The following EXOC4 variants were observed in gnomAD, a reference collection of about 807,000 sequenced individuals.
EXOC4 encodes exocyst complex component 4.
A neutral mutation model predicts 107.2 loss-of-function variants in EXOC4; 71 were observed. That is an observed-to-expected ratio of 0.66 (90% CI 0.55 to 0.81). EXOC4 has a LOEUF of 0.81. EXOC4 is among the 30% of genes least tolerant of loss of function. The probability of loss-of-function intolerance (pLI) is 0.00; values close to 1 mark genes in which losing one functional copy is unlikely to be tolerated. For missense variants in EXOC4, 1,108 were observed against 1,189.6 expected, an observed-to-expected ratio of 0.93 and a Z score of 1.01; for synonymous variants, 456 against 441.2, an observed-to-expected ratio of 1.03 and a Z score of -0.42.
chr7:133,499,097 T>C (rs1032579755), intron 9 of EXOC4, among the ~76,000 whole-genome samples: 1 of 119,694 alleles, frequency 8.4e-6, no homozygotes, highest in Non-Finnish European at 1.7e-5. Context: ...ATTATTTTCT[T>C]GGGGGAGCTT....
intron 10 of EXOC4, among the ~76,000 whole-genome samples, chr7:133,746,315 A>C (rs2151133558): frequency 6.6e-6 from 1 of 152,318 alleles, no homozygotes; most frequent in Non-Finnish European, 1.5e-5. Context: ...AGTGACATAA[A>C]GAACTTTCGT....
intron 10 of EXOC4, among the ~76,000 whole-genome samples, chr7:133,759,117 AAAAC>A (rs922662237): frequency 8.6e-5 from 13 of 151,880 alleles, no homozygotes; most frequent in African/African-American, 2.4e-4. Context: ...CAGCTAATTT[AAAAC>A]AAACAAACAA....
intron 9 of EXOC4, among the ~76,000 whole-genome samples, chr7:133,486,620 A>G (rs1410795338): frequency 6.6e-6 from 1 of 152,204 alleles, no homozygotes; most frequent in East Asian, 1.9e-4. Context: ...TGCAGGGAAC[A>G]TGAAAAAAAG....
At chr7:134,093,069 C>G in the EXOC4 span, among the ~76,000 whole-genome samples, 1 of 151,994 alleles carries the variant, frequency 6.6e-6, no homozygotes. Context: ...ACCATTGAAT[C>G]AAAACCTCGC....
At chr7:133,944,892 A>G (rs1800513663) in intron 14 of EXOC4, among the ~76,000 whole-genome samples, 2 of 152,288 alleles carry the variant, frequency 1.3e-5, no homozygotes, top group Non-Finnish European at 2.9e-5. Flanking sequence ...ATTAATTTCA[A>G]ACAAAACCAT....
At chr7:133,285,972 T>C (rs971362287) in intron 2 of EXOC4, among the ~76,000 whole-genome samples, 3 of 152,146 alleles carry the variant, frequency 2.0e-5, no homozygotes, top group Non-Finnish European at 4.4e-5. Context: ...GTTGCCAAGG[T>C]TGGTCTTGAA....
intron 9 of EXOC4, among the ~76,000 whole-genome samples, chr7:133,586,480 G>T (rs145635216): frequency 6.6e-6 from 1 of 152,234 alleles, no homozygotes; most frequent in Admixed American, 6.5e-5. Context: ...TTCCATGGTC[G>T]TGTATATGTA....
At chr7:133,551,406 A>T (rs1278842976) in intron 9 of EXOC4, among the ~76,000 whole-genome samples, 5 of 151,964 alleles carry the variant, frequency 3.3e-5, no homozygotes, top group Non-Finnish European at 5.9e-5. Context: ...TAGATTCATC[A>T]TGTTATTTTT....
At chr7:134,047,282 A>AATGAATG (rs1345081302) in intron 17 of EXOC4, among the ~76,000 whole-genome samples, 2 of 152,128 alleles carry the variant, frequency 1.3e-5, no homozygotes, top group Non-Finnish European at 2.9e-5. Context: ...CGTCCTAAAA[A>AATGAATG]ATGAATGCAA....
chr7:134,047,972 G>A (rs1795694908), intron 17 of EXOC4, among the ~76,000 whole-genome samples: 1 of 152,176 alleles, frequency 6.6e-6, no homozygotes, highest in Non-Finnish European at 1.5e-5. Context: ...GAAATTCAGG[G>A]ATCAGGGTTT....
At chr7:133,845,224 C>A (rs537826203) in intron 11 of EXOC4, among the ~76,000 whole-genome samples, 127 of 151,920 alleles carry the variant, frequency 8.4e-4, no homozygotes, top group African/African-American at 3.0e-3. Context: ...GATGCATGCA[C>A]ATCCTGTTGC....
At chr7:134,082,874 C>G in the EXOC4 span, among the ~76,000 whole-genome samples, 3 of 152,244 alleles carry the variant, frequency 2.0e-5, no homozygotes, top group African/African-American at 7.2e-5. Context: ...TTATCCAGCT[C>G]CTATTCAAGA....
intron 9 of EXOC4, among the ~76,000 whole-genome samples, chr7:133,547,041 C>T (rs901876456): frequency 6.6e-6 from 1 of 152,138 alleles, no homozygotes; most frequent in African/African-American, 2.4e-5. Flanking sequence ...ATTAATCATT[C>T]TCTTTTGATA....
At chr7:134,015,341 G>A (rs991261723) in intron 17 of EXOC4, among the ~76,000 whole-genome samples, 4 of 152,050 alleles carry the variant, frequency 2.6e-5, no homozygotes, top group African/African-American at 9.7e-5. Flanking sequence ...ACTCTTTTTT[G>A]TTCACTGCTG....
chr7:133,888,555 G>C (rs1449255474), intron 11 of EXOC4, among the ~76,000 whole-genome samples: 1 of 152,160 alleles, frequency 6.6e-6, no homozygotes, highest in Admixed American at 6.5e-5. Context: ...TGTTGACTAT[G>C]CGTCTTTTTC....
intron 7 of EXOC4, among the ~76,000 whole-genome samples, chr7:133,411,903 T>C (rs1797363614): frequency 6.6e-6 from 1 of 152,172 alleles, no homozygotes; most frequent in African/African-American, 2.4e-5. Flanking sequence ...GTGTTGTTTA[T>C]ACTGAAATAC....
chr7:134,016,213 A>G (rs760536706), intron 17 of EXOC4, among the ~76,000 whole-genome samples: 2 of 152,176 alleles, frequency 1.3e-5, no homozygotes, highest in Non-Finnish European at 2.9e-5. Context: ...GCAACTGGAT[A>G]TGTAAACTGG....
intron 9 of EXOC4, among the ~76,000 whole-genome samples, chr7:133,524,635 A>C (rs1800045918): frequency 6.6e-6 from 1 of 151,108 alleles, no homozygotes; most frequent in Admixed American, 6.6e-5. Flanking sequence ...TAAGGAAGGG[A>C]TCCAGTTTCA....
chr7:133,982,636 A>G (rs1393738521), intron 14 of EXOC4, among the ~76,000 whole-genome samples: 1 of 152,218 alleles, frequency 6.6e-6, no homozygotes, highest in Non-Finnish European at 1.5e-5. Flanking sequence ...ATTGCCATGT[A>G]TTAGCAATTG....
Sources: allele counts gnomAD v4.1 joint callset (sites outside exome capture counted in the v4.1 genomes callset), GRCh38; gene constraint gnomAD v4.1.1; transcripts MANE v1.5; gene names NCBI Gene and HGNC (gene_info 2026-07-23, HGNC 2026-07-21).